ATRN: variants seen among roughly 807,000 people sequenced by gnomAD.
The protein encoded by ATRN is attractin-2.
A neutral mutation model predicts 178.7 loss-of-function variants in ATRN; 54 were observed. That is an observed-to-expected ratio of 0.30 (90% CI 0.24 to 0.38). The LOEUF (loss-of-function observed/expected upper bound fraction) is 0.38, where lower values mean the gene tolerates loss of function less well. Ranked by LOEUF, ATRN falls within the 10% of genes least tolerant of loss-of-function variation. The pLI, the probability that ATRN is intolerant of heterozygous loss-of-function variation, is 1.00. For missense variants in ATRN, 1,443 were observed against 1,815.1 expected (o/e 0.79, Z 3.73); for synonymous variants, 636 against 663.0 (o/e 0.96, Z 0.63).
chr20:3,577,070 C>T (rs2086222733), intron 14 of ATRN, 73 bp downstream of exon 14: 1 of 1,552,090 alleles, frequency 6.4e-7, no homozygotes, highest in South Asian at 1.2e-5. Context: ...ACTGTGCAGC[C>T]TAAGTTGAAC....
rs1461938392 is a variant in ATRN, at chr20:3,562,406, T to A, written c.1578T>A (p.Asn526Lys). The change falls in exon 9 of 29, where the codon AAT becomes AAA. Residue 526 changes from asparagine (N) to lysine (K), a missense_variant. Asn to Lys is a moderately conservative substitution (Grantham distance 94). Around this residue, in one of 4 missense-constraint regions of ATRN, gnomAD observed 862 missense variants for 972.1 expected, o/e 0.89. Transcript: ENST00000262919. Reference protein sequence around the residue: ...VHGGYKAFSANKYRLADDLYR... With the variant: ...VHGGYKAFSAKKYRLADDLYR... ...GTGGCTACAAGGCTTTCAGTGCCAA[T>A]AAGTACCGGCTTGCAGATGATCTCT... 1 of 1,614,072 alleles carries A rather than the reference T, an allele frequency of 6.2e-7. No individual in the cohort carries two copies. Among genetic ancestry groups the A allele is most frequent in the Non-Finnish European group, 8.5e-7 (1 of 1,180,046 alleles).
chr20:3,633,831 G>T (rs2087005937), intron 25 of ATRN, among the ~76,000 whole-genome samples: 3 of 152,232 alleles, frequency 2.0e-5, no homozygotes, highest in Middle Eastern at 6.8e-3. Context: ...ATATGTATTT[G>T]TAAAAATATT....
At chr20:3,582,414 G>A in intron 16 of ATRN, 60 bp downstream of exon 16, 1 of 1,483,610 alleles carries the variant, frequency 6.7e-7, no homozygotes, top group African/African-American at 1.4e-5. Context: ...ACCATAGGAG[G>A]CATAGTTCAT....
chr20:3,627,241 C>T lies in ATRN; in HGVS notation c.3863+2669C>T, dbSNP rs575774536. Among the ~76,000 whole-genome samples the T allele has an allele frequency of 4.8e-3, 734 of 152,242 alleles. 3 individuals are homozygous for T. The highest frequency in any genetic ancestry group is 0.017 in the African/African-American group (713 of 41,534). On this transcript the variant is annotated intron_variant, in intron 25 of 28. Coordinates refer to ENST00000262919, the MANE Select transcript of ATRN (RefSeq NM_139321.3). ...CCTTAGCTGCACCTAGAATCACTTGCGGAGCTTTTGATGTCCAAGCCACTC... is the reference window on the plus strand; with the variant it reads ...CCTTAGCTGCACCTAGAATCACTTGTGGAGCTTTTGATGTCCAAGCCACTC...
intron 1 of ATRN, chr20:3,490,024 G>A (rs2084763599): frequency 9.8e-7 from 1 of 1,015,648 alleles, no homozygotes; most frequent in Non-Finnish European, 1.6e-6. Flanking sequence ...TGTTCCCTGA[G>A]AGTCAGAGTA....
intron 1 of ATRN, 115 bp downstream of exon 1, chr20:3,471,632 C>G: frequency 7.7e-7 from 1 of 1,294,022 alleles, no homozygotes; most frequent in Non-Finnish European, 9.9e-7. Context: ...GAGGGTAGGG[C>G]CGCCCTATGG....
intron 24 of ATRN, among the ~76,000 whole-genome samples, chr20:3,610,040 G>A (rs1206931240): frequency 6.6e-6 from 1 of 152,140 alleles, no homozygotes; most frequent in African/African-American, 2.4e-5. Context: ...AGTAGGTAGT[G>A]ATATTGGTTG....
chr20:3,479,929 C>T (rs1387789847), intron 1 of ATRN, among the ~76,000 whole-genome samples: 1 of 152,136 alleles, frequency 6.6e-6, no homozygotes, highest in Non-Finnish European at 1.5e-5. Context: ...ATCATCGTAA[C>T]TTTGTTGCAT....
intron 24 of ATRN, among the ~76,000 whole-genome samples, chr20:3,607,374 C>T (rs2086689721): frequency 6.6e-6 from 1 of 152,092 alleles, no homozygotes; most frequent in South Asian, 2.1e-4. Context: ...ACCCATTAAC[C>T]TCTATCTCCC....
At chr20:3,633,867 TTTC>T (rs899739006) in intron 25 of ATRN, among the ~76,000 whole-genome samples, 1 of 152,262 alleles carries the variant, frequency 6.6e-6, no homozygotes, top group Non-Finnish European at 1.5e-5. Context: ...ATTACACACA[TTTC>T]TTCTGTTTGC....
At chr20:3,550,232 A>G (rs1389653868) in intron 6 of ATRN, among the ~76,000 whole-genome samples, 4 of 152,134 alleles carry the variant, frequency 2.6e-5, no homozygotes, top group Non-Finnish European at 5.9e-5. Flanking sequence ...GGAGGCTGAG[A>G]TGGGAGAATT....
chr20:3,538,273 A>C (rs547636755), intron 2 of ATRN, among the ~76,000 whole-genome samples: 2 of 152,284 alleles, frequency 1.3e-5, no homozygotes, highest in East Asian at 1.9e-4. Flanking sequence ...GAAGAATAGC[A>C]GTGATCACTA....
In ATRN at chr20:3,572,913, A is replaced by T. The variant is rs1214775735; in HGVS notation, c.2054A>T (p.Gln685Leu). ...TCGTGGGCGCTGGCAACTGATGAAC[A>T]AGAAGAAAAGTTAAAATCAGAATGT... ...CISWALATDE[Q>L]EEKLKSECFS... Residue 685 changes from glutamine (Q) to leucine (L), a missense_variant, in exon 12 of 29, where the codon CAA (glutamine) becomes CTA (leucine). By Grantham distance (113) the Gln-to-Leu change is moderately radical (BLOSUM62 -2). Around this residue, in one of 4 missense-constraint regions of ATRN, gnomAD observed 862 missense variants for 972.1 expected, o/e 0.89. Coordinates refer to ENST00000262919, the MANE Select transcript of ATRN (RefSeq NM_139321.3). The T allele has an allele frequency of 1.2e-6, 2 of 1,613,932 alleles. No individual in the cohort carries two copies. The highest frequency in any genetic ancestry group is 2.2e-5 in the South Asian group (2 of 91,074).
At chr20:3,549,408 G>A (rs2085757039) in intron 6 of ATRN, 70 bp downstream of exon 6, 7 of 1,323,052 alleles carry the variant, frequency 5.3e-6, no homozygotes, top group South Asian at 3.6e-5. Context: ...GCACAGATAA[G>A]CAAAAATAAA....
At chr20:3,531,496 A>G (rs916421027) in intron 1 of ATRN, among the ~76,000 whole-genome samples, 1 of 152,188 alleles carries the variant, frequency 6.6e-6, no homozygotes, top group Non-Finnish European at 1.5e-5. Flanking sequence ...CAAAATGAAC[A>G]TTAGTAGGGA....
chr20:3,555,303 G>A (rs915316970), intron 6 of ATRN, among the ~76,000 whole-genome samples: 11 of 151,610 alleles, frequency 7.3e-5, no homozygotes, highest in African/African-American at 2.7e-4. Flanking sequence ...GCGCCCGGCC[G>A]ACCTGACCTC....
intron 1 of ATRN, among the ~76,000 whole-genome samples, chr20:3,494,762 T>C (rs2084855299): frequency 6.6e-6 from 1 of 152,172 alleles, no homozygotes; most frequent in Admixed American, 6.5e-5. Flanking sequence ...CTTGGGCAGT[T>C]AGCAACATAG....
At chr20:3,644,049 A>C in intron 27 of ATRN, 105 bp from the exon 28 acceptor site, 1 of 818,544 alleles carries the variant, frequency 1.2e-6, no homozygotes, top group Non-Finnish European at 2.0e-6. Context: ...TACCTTTTTT[A>C]TATACCTGAA....
intron 24 of ATRN, among the ~76,000 whole-genome samples, chr20:3,613,926 T>C (rs1208273242): frequency 2.0e-5 from 3 of 152,200 alleles, no homozygotes; most frequent in African/African-American, 7.2e-5. Context: ...AATTCTCTAG[T>C]TGGAAATTTG....
Sources: gnomAD v4.1 joint callset for allele counts (sites outside exome capture counted in the v4.1 genomes callset) on GRCh38, gnomAD v4.1.1 for gene constraint, gnomAD v4.1.1 regional missense constraint, MANE v1.5 for transcripts, NCBI Gene and HGNC (gene_info 2026-07-23, HGNC 2026-07-21) for gene names.